The following PTGIS variants were observed in gnomAD, a reference collection of about 807,000 sequenced individuals.
PTGIS encodes prostacyclin synthase.
Under a neutral mutation model 50.3 loss-of-function variants are expected in PTGIS, and 45 were observed. That is an observed-to-expected ratio of 0.90 (90% CI 0.70 to 1.15). PTGIS has a LOEUF of 1.15. Among genes scored for constraint, PTGIS ranks in the 50% most tolerant of loss-of-function variants. PTGIS has a pLI of 0.00. For synonymous variants in PTGIS, 260 were observed against 267.7 expected (o/e 0.97, Z 0.28); for missense variants, 668 against 661.3 (o/e 1.01, Z -0.11).
Position 49,524,101 on chromosome 20 carries a change from TC to T in PTGIS, c.811del (p.Glu271ArgfsTer65), listed in dbSNP as rs781423960. 1.9e-6 allele frequency: 3 copies of T among 1,614,058 alleles called. No homozygotes were observed. In the African/African-American group the frequency reaches 4.0e-5, roughly 22 times the overall value. On this transcript the variant is annotated frameshift_variant, in exon 6 of 10. Coordinates refer to ENST00000244043, the MANE Select transcript of PTGIS (RefSeq NM_000961.4). LOFTEE classifies it high-confidence loss of function. Reference protein sequence around the residue: ...LHLEEMGVSEEMQARALVLQL... With the variant: ...LHLEEMGVSEXMQARALVLQL... ...CAGCACCAGGGCCCGTGCCTGCATC[TC>T]CTCTGACACACCCATCTCCTCCAGG...
At chr20:49,565,168 C>T (rs960082344) in intron 1 of PTGIS, among the ~76,000 whole-genome samples, 4 of 149,928 alleles carry the variant, frequency 2.7e-5, no homozygotes, top group East Asian at 2.0e-4. Context: ...TTTTTAGTAG[C>T]GATGAGGTTT....
intron 1 of PTGIS, among the ~76,000 whole-genome samples, chr20:49,554,980 A>C (rs1388285394): frequency 1.3e-5 from 2 of 152,172 alleles, no homozygotes; most frequent in Non-Finnish European, 2.9e-5. Flanking sequence ...CAAAGAATAA[A>C]GGTTTTTAGG....
At position 49,524,236 on chromosome 20, in the gene PTGIS, T is replaced by C. The variant is rs1475742961; in HGVS notation, c.677A>G (p.Asp226Gly). 1 of 1,614,034 alleles carries C rather than the reference T, an allele frequency of 6.2e-7. No individual in the cohort carries two copies. The highest frequency in any genetic ancestry group is 8.5e-7 in the Non-Finnish European group (1 of 1,179,994). The change falls in exon 6 of 10, where the codon GAC becomes GGC. Residue 226 changes from aspartate (D) to glycine (G), a missense_variant. Physicochemically the swap from Asp to Gly is moderately conservative, Grantham distance 94. Transcript: ENST00000244043. ...KLARGSLSVG[D>G]KDHMCSVKSR... is the part of the protein sequence containing the mutation. ...TTTGACACTGCACATGTGGTCCTTG[T>C]CCCCTGCAGGGACAGAGCACAGAGA...
At chr20:49,538,870 T>C (rs1166420298) in intron 5 of PTGIS, among the ~76,000 whole-genome samples, 2 of 151,812 alleles carry the variant, frequency 1.3e-5, no homozygotes, top group East Asian at 3.9e-4. Context: ...TTAGTAGAGA[T>C]GGGGTTTCAC....
intron 6 of PTGIS, among the ~76,000 whole-genome samples, chr20:49,518,047 A>G (rs1981536945): frequency 6.6e-6 from 1 of 152,190 alleles, no homozygotes; most frequent in African/African-American, 2.4e-5. Flanking sequence ...GGGATTGCTA[A>G]ATTGCCTAGA....
At chr20:49,510,960 G>T in intron 9 of PTGIS, 68 bp downstream of exon 9, 2 of 1,498,730 alleles carry the variant, frequency 1.3e-6, no homozygotes, top group Non-Finnish European at 1.9e-6. Context: ...CTCAGTCCCA[G>T]GAGAGAAGGG....
intron 6 of PTGIS, among the ~76,000 whole-genome samples, chr20:49,522,887 G>T (rs1316443437): frequency 6.6e-6 from 1 of 151,912 alleles, no homozygotes; most frequent in Non-Finnish European, 1.5e-5. Flanking sequence ...AGCTGGACGT[G>T]GTGGCATGCG....
At position 49,544,369 on chromosome 20, in the gene PTGIS, T is replaced by A. The variant is rs765087579; in HGVS notation, c.457A>T (p.Thr153Ser). The A allele has an allele frequency of 7.4e-6, 12 of 1,613,868 alleles. No homozygotes were observed. The highest frequency in any genetic ancestry group is 1.0e-5 in the Non-Finnish European group (12 of 1,179,978). ...TCGTGCCAGCCACTGCCTGCTTCTG[T>A]AGCATCGCCCAACAGCACTGCATGG... ...NLHAVLLGDA[T>S]EAGSGWHEMG... is the part of the protein sequence containing the mutation. The change falls in exon 4 of 10, where the codon ACA becomes TCA. Residue 153 changes from threonine (T) to serine (S), a missense_variant. By Grantham distance (58) the Thr-to-Ser change is moderately conservative. Coordinates refer to ENST00000244043, the MANE Select transcript of PTGIS (RefSeq NM_000961.4).
rs1017390255 is a variant in PTGIS, at chr20:49,507,788, G to A, written c.*132C>T. ...TTCCCTCCCCTGGACCCAGCCTTCT[G>A]GGAGAAAAGCAGGGAAGTGGTAATG... is the stretch of plus-strand genomic sequence containing the variant. On this transcript the variant is annotated 3_prime_UTR_variant, in exon 10 of 10. Coordinates refer to ENST00000244043, the MANE Select transcript of PTGIS (RefSeq NM_000961.4). The A allele has an allele frequency of 3.2e-6, 4 of 1,260,796 alleles. No homozygotes were observed. The highest frequency in any genetic ancestry group is 4.5e-6 in the Non-Finnish European group (4 of 894,628). The allele number at this position is 1,260,796 out of a possible 1,614,324, so 78.1% of individuals were successfully genotyped here. A position where few individuals can be genotyped will look rare whatever the true frequency, so the allele number is the denominator to read the frequency against.
intron 6 of PTGIS, among the ~76,000 whole-genome samples, chr20:49,518,092 G>C (rs572095258): frequency 1.3e-5 from 2 of 152,372 alleles, no homozygotes; most frequent in East Asian, 3.9e-4. Context: ...CCCCCAGGGG[G>C]AGACCCTCTG....
intron 8 of PTGIS, among the ~76,000 whole-genome samples, chr20:49,512,110 T>G (rs556331961): frequency 1.3e-5 from 2 of 151,340 alleles, no homozygotes; most frequent in African/African-American, 4.9e-5. Flanking sequence ...GATGGATAGA[T>G]GGATGGATTC....
chr20:49,530,922 G>C (rs1412044218), intron 5 of PTGIS, among the ~76,000 whole-genome samples: 1 of 152,060 alleles, frequency 6.6e-6, no homozygotes, highest in Non-Finnish European at 1.5e-5. Flanking sequence ...ACCACGCCCA[G>C]CTAATTTTTG....
chr20:49,514,711 G>C (rs1236245846), intron 6 of PTGIS, among the ~76,000 whole-genome samples: 1 of 152,230 alleles, frequency 6.6e-6, no homozygotes, highest in East Asian at 1.9e-4. Flanking sequence ...TATCAGTTAA[G>C]ACTGTTCACA....
At chr20:49,564,223 T>C (rs932546949) in intron 1 of PTGIS, among the ~76,000 whole-genome samples, 1 of 152,220 alleles carries the variant, frequency 6.6e-6, no homozygotes, top group Non-Finnish European at 1.5e-5. Context: ...ATATGCATTC[T>C]GAAATATTCA....
Position 49,567,382 on chromosome 20 carries a change from G to T in PTGIS, c.74+661C>A, listed in dbSNP as rs1272444281. 2.0e-5 allele frequency among the ~76,000 whole-genome samples: 3 copies of T among 152,138 alleles called. No individual in the cohort carries two copies. The East Asian group carries it at 5.8e-4, about 29-fold the overall frequency. On this transcript the variant is annotated intron_variant, in intron 1 of 9. Coordinates refer to ENST00000244043, the MANE Select transcript of PTGIS (RefSeq NM_000961.4). The stretch of plus-strand genomic sequence containing the variant: ...TCTGTCCAGGCTGTGGGACCTCAGG[G>T]GAAGGTAGAGACTTCATAGGCCTCA...
At chr20:49,551,081 C>A (rs1982495193) in intron 1 of PTGIS, among the ~76,000 whole-genome samples, 1 of 152,112 alleles carries the variant, frequency 6.6e-6, no homozygotes, top group Non-Finnish European at 1.5e-5. Flanking sequence ...GTGGTGCATG[C>A]CTGTAGTCCC....
chr20:49,525,338 A>C (rs1981767661), intron 5 of PTGIS, among the ~76,000 whole-genome samples: 1 of 152,212 alleles, frequency 6.6e-6, no homozygotes, highest in African/African-American at 2.4e-5. Context: ...ATCCAAGTAA[A>C]AAGTTTTTAA....
chr20:49,531,355 T>C (rs1419959883), intron 5 of PTGIS, among the ~76,000 whole-genome samples: 7 of 152,032 alleles, frequency 4.6e-5, no homozygotes, highest in Non-Finnish European at 8.8e-5. Flanking sequence ...AGCAAAGCTG[T>C]GTAGTTAAAG....
At chr20:49,516,661 G>A (rs369074756) in intron 6 of PTGIS, among the ~76,000 whole-genome samples, 177 of 152,350 alleles carry the variant, frequency 1.2e-3, no homozygotes, top group African/African-American at 4.1e-3. Flanking sequence ...TGGTGAGATA[G>A]ATTTTGCCTT....
Sources: gnomAD v4.1 joint callset for allele counts (sites outside exome capture counted in the v4.1 genomes callset) on GRCh38, gnomAD v4.1.1 for gene constraint, MANE v1.5 for transcripts, NCBI Gene and HGNC (gene_info 2026-07-23, HGNC 2026-07-21) for gene names.